CYP2U1: variants seen among roughly 807,000 people sequenced by gnomAD.
CYP2U1 encodes the protein cytochrome P450 2U1.
In CYP2U1, 28 loss-of-function variants were observed where a neutral mutation model predicts 42.8. The ratio of observed to expected loss-of-function variants is 0.65; its 90% confidence interval spans 0.48 to 0.90. The LOEUF is 0.90. Among genes scored for constraint, CYP2U1 ranks in the 40% least tolerant of loss-of-function variants. The pLI is 0.00. For missense variants in CYP2U1, 642 were observed against 693.8 expected (o/e 0.93, Z 0.84); for synonymous variants, 296 against 278.9 (o/e 1.06, Z -0.61).
At chr4:107,941,730 G>C (rs907876129) in intron 1 of CYP2U1, among the ~76,000 whole-genome samples, 1 of 151,784 alleles carries the variant, frequency 6.6e-6, no homozygotes, top group Non-Finnish European at 1.5e-5. Context: ...TATTTATTAA[G>C]ATAGAGGTCT....
chr4:107,948,531 C>T (rs948122196), intron 3 of CYP2U1, among the ~76,000 whole-genome samples: 3 of 152,138 alleles, frequency 2.0e-5, no homozygotes, highest in African/African-American at 7.2e-5. Context: ...TGCACCACTG[C>T]ACTTCTGCAC....
In CYP2U1 at chr4:107,945,363, C is replaced by A; in HGVS notation, c.884C>A (p.Thr295Asn). 1 of 1,613,978 alleles carries A rather than the reference C, an allele frequency of 6.2e-7. No individual in the cohort carries two copies. The change falls in exon 2 of 5, where the codon ACC (threonine) becomes AAC (asparagine). Residue 295 changes from threonine to asparagine, a missense_variant. Thr to Asn is a moderately conservative substitution (Grantham distance 65, BLOSUM62 0). Transcript: ENST00000332884. ...KELRQIEKDI[T>N]SFLKKIIKDH... The stretch of plus-strand genomic sequence containing the variant: ...TTAAGACAAATTGAAAAGGATATAA[C>A]CAGTTTCCTTAAAAAAATCATCAAA...
intron 1 of CYP2U1, chr4:107,938,284 A>T (rs1236170707): frequency 1.3e-5 from 2 of 152,222 alleles, no homozygotes; most frequent in Non-Finnish European, 2.9e-5. Context: ...TCACAACTAT[A>T]CATCAATCCT....
intron 1 of CYP2U1, chr4:107,936,007 T>A (rs1038606259): frequency 2.0e-5 from 3 of 152,206 alleles, no homozygotes; most frequent in Non-Finnish European, 4.4e-5. Flanking sequence ...TAGAAATAGT[T>A]GACTTAATAC....
intron 1 of CYP2U1, among the ~76,000 whole-genome samples, chr4:107,932,857 G>A (rs375504918): frequency 1.2e-4 from 19 of 152,328 alleles, no homozygotes; most frequent in African/African-American, 4.3e-4. Flanking sequence ...GCCTCTGCAA[G>A]TAGGGTAGCC....
At chr4:107,944,375 G>A (rs1230592765) in intron 1 of CYP2U1, among the ~76,000 whole-genome samples, 1 of 151,854 alleles carries the variant, frequency 6.6e-6, no homozygotes. Flanking sequence ...TGATCATAGT[G>A]GACTGCAGCA....
At chr4:107,947,596 G>A (rs1162608073) in intron 3 of CYP2U1, 59 bp downstream of exon 3, 1 of 1,562,728 alleles carries the variant, frequency 6.4e-7, no homozygotes, top group African/African-American at 1.4e-5. Context: ...CTCTAATCCA[G>A]GGTAGTTGAG....
intron 1 of CYP2U1, chr4:107,937,780 C>T (rs1417771784): frequency 6.6e-6 from 1 of 152,180 alleles, no homozygotes; most frequent in Non-Finnish European, 1.5e-5. Context: ...GCTGGGATTA[C>T]AGACGTGAGC....
rs1343289639 is a variant in CYP2U1 at position 107,945,190 on chromosome 4, T to C, written c.711T>C (p.Phe237=). 6.2e-7 allele frequency: 1 copy of C among 1,614,076 alleles called. No individual in the cohort carries two copies. The highest frequency in any genetic ancestry group is 8.5e-7 in the Non-Finnish European group (1 of 1,180,012). ...CTAACATCATTTGCTCCTTGTGCTT[T>C]GGCCAGCGCTTTGATTACACTAATA... The part of the protein sequence containing the change: ...AVSNIICSLC[F]GQRFDYTNSE... The change falls in exon 2 of 5, where the codon TTT becomes TTC. Residue 237 remains phenylalanine, a synonymous_variant. Transcript: ENST00000332884.
At chr4:107,943,727 C>G (rs545737509) in intron 1 of CYP2U1, among the ~76,000 whole-genome samples, 34 of 152,276 alleles carry the variant, frequency 2.2e-4, no homozygotes, top group Admixed American at 9.1e-4. Flanking sequence ...GAAAATTTAA[C>G]CATGGAGCAG....
At chr4:107,944,342 A>G (rs1733603967) in intron 1 of CYP2U1, among the ~76,000 whole-genome samples, 1 of 152,008 alleles carries the variant, frequency 6.6e-6, no homozygotes, top group African/African-American at 2.4e-5. Context: ...TTGCTCTGTC[A>G]CCCAGGCTGG....
chr4:107,932,805 C>T (rs1733079465), intron 1 of CYP2U1, among the ~76,000 whole-genome samples: 1 of 152,232 alleles, frequency 6.6e-6, no homozygotes, highest in African/African-American at 2.4e-5. Flanking sequence ...ACGCATCAGT[C>T]AGGTGTTAAA....
At chr4:107,932,381 A>G (rs1733043898) in intron 1 of CYP2U1, among the ~76,000 whole-genome samples, 1 of 152,170 alleles carries the variant, frequency 6.6e-6, no homozygotes, top group Admixed American at 6.5e-5. Flanking sequence ...AGTCATCCGG[A>G]GATTGAGGGA....
Position 107,931,614 on chromosome 4 carries a change from G to A in CYP2U1, c.-30G>A, listed in dbSNP as rs1037849403. The A allele has an allele frequency of 8.8e-6, 11 of 1,250,596 alleles. No homozygotes were observed. Among genetic ancestry groups the A allele is most frequent in the African/African-American group, 4.6e-5 (3 of 64,626 alleles). The allele number at this position is 1,250,596 out of a possible 1,614,324, so 77.5% of individuals were successfully genotyped here. A position where few individuals can be genotyped will look rare whatever the true frequency, so the allele number is the denominator to read the frequency against. On this transcript the variant is annotated 5_prime_UTR_variant, in exon 1 of 5. Transcript: ENST00000332884. Reference sequence around the variant, plus strand: ...CGTGCGCGTCTCCTCCAGGCAGCAAGGGGAACCCGAGGCCGCCGGCGCCCG... The same window carrying A: ...CGTGCGCGTCTCCTCCAGGCAGCAAAGGGAACCCGAGGCCGCCGGCGCCCG...
rs542331940 is a variant in CYP2U1, at chr4:107,931,554, A to T, written c.-90A>T. 80 of 1,176,404 alleles carry T rather than the reference A, an allele frequency of 6.8e-5. No homozygotes were observed. In the African/African-American group the frequency reaches 9.4e-4, roughly 14 times the overall value. The allele number at this position is 1,176,404 out of a possible 1,614,324, so 72.9% of individuals were successfully genotyped here. A position where few individuals can be genotyped will look rare whatever the true frequency, so the allele number is the denominator to read the frequency against. On this transcript the variant is annotated 5_prime_UTR_variant, in exon 1 of 5. Coordinates refer to ENST00000332884, the MANE Select transcript of CYP2U1 (RefSeq NM_183075.3). ...CTGCCCGCCCCCGACCTTCCAGAGC[A>T]GAGCAGGACACTGGCGCCGCGGGTC...
chr4:107,945,408 A>C lies in CYP2U1; in HGVS notation c.929A>C (p.Asp310Ala). The C allele has an allele frequency of 6.2e-7, 1 of 1,614,086 alleles. No individual in the cohort carries two copies. ...KIIKDHQESLDRENPQDFIDM... is the reference protein window; with the variant it reads ...KIIKDHQESLARENPQDFIDM... ...ATCAAAGACCATCAAGAGTCTCTGG[A>C]TAGAGAGAACCCTCAGGACTTCATA... Residue 310 changes from aspartate to alanine, a missense_variant, in exon 2 of 5, where the codon GAT becomes GCT. Asp to Ala is a moderately radical substitution (Grantham distance 126). Transcript: ENST00000332884.
At chr4:107,936,207 C>T (rs1157204262) in intron 1 of CYP2U1, 1 of 152,148 alleles carries the variant, frequency 6.6e-6, no homozygotes, top group Non-Finnish European at 1.5e-5. Context: ...AAGAAAATTA[C>T]AAAATCAGAG....
At chr4:107,937,827 T>C (rs1213785401) in intron 1 of CYP2U1, 2 of 152,150 alleles carry the variant, frequency 1.3e-5, no homozygotes, top group African/African-American at 4.8e-5. Context: ...TTTTTAGAAA[T>C]ATATTTGCCT....
rs151088705 is a variant in CYP2U1, at chr4:107,945,502, C to T, written c.1023C>T (p.Tyr341=). The change falls in exon 2 of 5, where the codon TAC becomes TAT. Residue 341 remains tyrosine, a synonymous_variant. Coordinates refer to ENST00000332884, the MANE Select transcript of CYP2U1 (RefSeq NM_183075.3). ...GTAACAGCAGTTTTGATGAAGAGTACTTATTTTATATCATTGGGGATCTCT... is the reference window on the plus strand; with the variant it reads ...GTAACAGCAGTTTTGATGAAGAGTATTTATTTTATATCATTGGGGATCTCT... ...NNSNSSFDEE[Y]LFYIIGDLFI... is the part of the protein sequence containing the mutation. 3.1e-6 allele frequency: 5 copies of T among 1,613,980 alleles called. No homozygotes were observed. In the East Asian group the frequency reaches 1.1e-4, roughly 36 times the overall value.
Sources: gnomAD v4.1 joint callset for allele counts (sites outside exome capture counted in the v4.1 genomes callset) on GRCh38, gnomAD v4.1.1 for gene constraint, MANE v1.5 for transcripts, NCBI Gene and HGNC (gene_info 2026-07-23, HGNC 2026-07-21) for gene names.